The following ITGAL variants were observed in gnomAD, a reference collection of about 807,000 sequenced individuals.
ITGAL encodes the protein integrin alpha-L.
In ITGAL, 68 loss-of-function variants were observed where a neutral mutation model predicts 138.4. That is an observed-to-expected ratio of 0.49 (90% CI 0.40 to 0.60). ITGAL has a LOEUF of 0.60. Ranked by LOEUF, ITGAL falls within the 20% of genes least tolerant of loss-of-function variation. The pLI is 0.00. For missense variants in ITGAL, 1,256 were observed against 1,478.6 expected (o/e 0.85, Z 2.47); for synonymous variants, 561 against 584.3 (o/e 0.96, Z 0.57).
chr16:30,495,499 C>T (rs1312330455), intron 13 of ITGAL, among the ~76,000 whole-genome samples: 1 of 152,034 alleles, frequency 6.6e-6, no homozygotes, highest in East Asian at 1.9e-4. Flanking sequence ...TCCCTTTCCT[C>T]ATGACCACCT....
intron 25 of ITGAL, among the ~76,000 whole-genome samples, chr16:30,514,388 T>C (rs2051136413): frequency 6.6e-6 from 1 of 151,972 alleles, no homozygotes; most frequent in Non-Finnish European, 1.5e-5. Context: ...GCCATTCTCC[T>C]ACCTCAGCCT....
chr16:30,499,050 A>G, intron 15 of ITGAL, 24 bp from the exon 16 acceptor site: 5 of 1,609,522 alleles, frequency 3.1e-6, no homozygotes, highest in Non-Finnish European at 4.2e-6. Context: ...GGAGGGAGAG[A>G]GTTGGTTGCC....
chr16:30,521,676 G>T lies in ITGAL; in HGVS notation c.*11G>T, dbSNP rs775726136. 2 of 1,612,438 alleles carry T rather than the reference G, an allele frequency of 1.2e-6. No homozygotes were observed. Among genetic ancestry groups the T allele is most frequent in the South Asian group, 1.1e-5 (1 of 90,964 alleles). On this transcript the variant is annotated 3_prime_UTR_variant, in exon 31 of 31. Coordinates refer to ENST00000356798, the MANE Select transcript of ITGAL (RefSeq NM_002209.3). ...GGTGGCAAGGACTGAGTCCAGGCCT[G>T]TGAGGTGCAGAGTGCCCAGAACTGG... is the stretch of plus-strand genomic sequence containing the variant.
intron 24 of ITGAL, among the ~76,000 whole-genome samples, chr16:30,513,311 G>A (rs1426579383): frequency 6.6e-6 from 1 of 152,222 alleles, no homozygotes; most frequent in African/African-American, 2.4e-5. Flanking sequence ...CTGGACATGG[G>A]AGGCTTTGGA....
intron 4 of ITGAL, among the ~76,000 whole-genome samples, chr16:30,478,338 A>C (rs894255054): frequency 4.6e-5 from 7 of 151,458 alleles, no homozygotes; most frequent in African/African-American, 1.7e-4. Flanking sequence ...CGTCAAAAAA[A>C]AAAAAGAAAG....
chr16:30,504,207 T>C lies in ITGAL; in HGVS notation c.2178T>C (p.Asn726=). 1.2e-6 allele frequency: 2 copies of C among 1,613,786 alleles called. No homozygotes were observed. The highest frequency in any genetic ancestry group is 1.7e-6 in the Non-Finnish European group (2 of 1,179,726). ...TTCAAGACCTCATCTCCCCCATCAA[T>C]GTTTCCCTGAATTTCTCTCTTTGGG... ...VCVQDLISPI[N]VSLNFSLWEE... Residue 726 remains asparagine (N), a synonymous_variant, in exon 18 of 31, where the codon AAT becomes AAC. Transcript: ENST00000356798.
Position 30,472,930 on chromosome 16 carries a change from T to C in ITGAL, c.61+32T>C, listed in dbSNP as rs368954009. On this transcript the variant is annotated intron_variant, in intron 1 of 30. Transcript: ENST00000356798. ...AAGGGAGGAGGCAGGGGAAGGGACA[T>C]GTGTCTGTGACCAGAGAAACTGCAG... 9.4e-6 allele frequency: 15 copies of C among 1,600,768 alleles called. No homozygotes were observed. The East Asian group carries it at 1.6e-4, about 17-fold the overall frequency.
intron 29 of ITGAL, among the ~76,000 whole-genome samples, chr16:30,519,145 C>T (rs1003789802): frequency 6.6e-6 from 1 of 152,040 alleles, no homozygotes; most frequent in African/African-American, 2.4e-5. Flanking sequence ...ATCACTTGAA[C>T]CTGGGAGGCA....
chr16:30,496,651 T>G lies in ITGAL; in HGVS notation c.1832+85T>G, dbSNP rs28708641. 7.7e-6 allele frequency: 10 copies of G among 1,297,960 alleles called. No individual in the cohort carries two copies. The Admixed American group carries it at 2.0e-4, about 26-fold the overall frequency. The allele number at this position is 1,297,960 out of a possible 1,614,324, so 80.4% of individuals were successfully genotyped here. On this transcript the variant is annotated intron_variant, in intron 15 of 30. Transcript: ENST00000356798. Reference sequence around the variant, plus strand: ...ATTTTATTTTATTTATTTATTTTGGTTTTTTTTAGAGACAGGGTCTCTCTT... The same window carrying G: ...ATTTTATTTTATTTATTTATTTTGGGTTTTTTTAGAGACAGGGTCTCTCTT...
chr16:30,489,329 G>A lies in ITGAL; in HGVS notation c.1156G>A (p.Asp386Asn). The A allele has an allele frequency of 6.2e-7, 1 of 1,614,126 alleles. No homozygotes were observed. The highest frequency in any genetic ancestry group is 8.5e-7 in the Non-Finnish European group (1 of 1,179,978). The part of the protein sequence containing the change: ...GFLDLKADLQ[D>N]DTFIGNEPLT... ...TCTTGACCTGAAGGCAGACCTGCAG[G>A]ATGACACATTTATTGGGAATGAACC... The change falls in exon 11 of 31, where the codon GAT becomes AAT. Residue 386 changes from aspartate (D) to asparagine (N), a missense_variant. By Grantham distance (23) the Asp-to-Asn change is conservative. Coordinates refer to ENST00000356798, the MANE Select transcript of ITGAL (RefSeq NM_002209.3).
At chr16:30,483,037 GA>G (rs1177789115) in intron 7 of ITGAL, 2 of 152,186 alleles carry the variant, frequency 1.3e-5, no homozygotes, top group African/African-American at 4.8e-5. Context: ...ATGTTGCCCA[GA>G]ATGGTCTGGA....
chr16:30,498,775 C>G (rs1001815967), intron 15 of ITGAL: 15 of 270,664 alleles, frequency 5.5e-5, no homozygotes, highest in Middle Eastern at 1.2e-3. Context: ...GTGGCACATG[C>G]CTGTGGTCCC....
intron 19 of ITGAL, 23 bp downstream of exon 19, chr16:30,505,323 C>CAG (rs2050970992): frequency 6.2e-7 from 1 of 1,612,946 alleles, no homozygotes; most frequent in Admixed American, 1.7e-5. Context: ...AAGGGGCAGG[C>CAG]AGAGAGGCCT....
At chr16:30,485,462 C>T (rs987077580) in intron 9 of ITGAL, among the ~76,000 whole-genome samples, 7 of 152,044 alleles carry the variant, frequency 4.6e-5, no homozygotes, top group Non-Finnish European at 8.8e-5. Flanking sequence ...GACCTCGTGA[C>T]CTGCCCGCCT....
intron 15 of ITGAL, among the ~76,000 whole-genome samples, chr16:30,497,545 T>C (rs1270198167): frequency 2.0e-5 from 3 of 151,432 alleles, no homozygotes; most frequent in African/African-American, 7.3e-5. Flanking sequence ...GGTGCGATCT[T>C]GGCTCACTGT....
intron 17 of ITGAL, among the ~76,000 whole-genome samples, chr16:30,502,853 G>A (rs1197245765): frequency 1.4e-5 from 2 of 145,904 alleles, no homozygotes; most frequent in African/African-American, 5.1e-5. Context: ...TCACTGTGTT[G>A]CCCAGGCTAG....
intron 11 of ITGAL, among the ~76,000 whole-genome samples, chr16:30,493,381 A>C (rs1256978926): frequency 6.6e-6 from 1 of 151,586 alleles, no homozygotes; most frequent in Non-Finnish European, 1.5e-5. Context: ...CCAGGTTCAC[A>C]TTCTCCTGTC....
Position 30,499,247 on chromosome 16 carries a change from C to T in ITGAL, c.1993+13C>T. On this transcript the variant is annotated intron_variant, in intron 16 of 30. Coordinates refer to ENST00000356798, the MANE Select transcript of ITGAL (RefSeq NM_002209.3). ...CCCCAGTTCCAAGGTCAGAGCTCTC[C>T]TCCTGCTCCCAGGGCAGCTGCCGCC... 1 of 1,613,692 alleles carries T rather than the reference C, an allele frequency of 6.2e-7. No homozygotes were observed. The highest frequency in any genetic ancestry group is 8.5e-7 in the Non-Finnish European group (1 of 1,179,636).
At chr16:30,499,027 G>A (rs747041091) in intron 15 of ITGAL, 47 bp from the exon 16 acceptor site, 47 of 1,582,406 alleles carry the variant, frequency 3.0e-5, no homozygotes, top group Middle Eastern at 3.7e-4. Flanking sequence ...GAGGGGGGAC[G>A]TGCAGTTGGG....
Sources: gnomAD v4.1 joint callset for allele counts (sites outside exome capture counted in the v4.1 genomes callset) on GRCh38, gnomAD v4.1.1 for gene constraint, MANE v1.5 for transcripts, NCBI Gene and HGNC (gene_info 2026-07-23, HGNC 2026-07-21) for gene names.